Variants in ZNF578 observed in about 807,000 individuals in gnomAD.
ZNF578 encodes the protein Putative chemokine-related protein B42.
In ZNF578, 8 loss-of-function variants were observed where a neutral mutation model predicts 8.3. The ratio of observed to expected loss-of-function variants is 0.96; its 90% CI spans 0.56 to 1.74. The LOEUF (loss-of-function observed/expected upper bound fraction) is 1.74. Among genes scored for constraint, ZNF578 ranks in the 40% most tolerant of loss-of-function variants. The pLI, the probability that ZNF578 is intolerant of heterozygous loss-of-function variation, is 0.00. For synonymous variants in ZNF578, 206 were observed against 232.2 expected, an observed-to-expected ratio of 0.89 and a Z score of 1.03; for missense variants, 726 against 707.5, an observed-to-expected ratio of 1.03 and a Z score of -0.30.
chr19:52,479,951 C>G (rs925285883), intron 2 of ZNF578, among the ~76,000 whole-genome samples: 1 of 152,044 alleles, frequency 6.6e-6, no homozygotes, highest in African/African-American at 2.4e-5. Context: ...GCTCTGTCTC[C>G]CAGGCTGGAT....
chr19:52,502,609 T>C (rs570412195), intron 4 of ZNF578, among the ~76,000 whole-genome samples: 1 of 152,246 alleles, frequency 6.6e-6, no homozygotes, highest in South Asian at 2.1e-4. Flanking sequence ...TGGCGGTGCA[T>C]GCCTGTAATC....
chr19:52,505,068 G>C (rs1599912902), intron 5 of ZNF578, among the ~76,000 whole-genome samples: 1 of 152,060 alleles, frequency 6.6e-6, no homozygotes, highest in Admixed American at 6.5e-5. Context: ...TGTATTTTTA[G>C]TAGAGATGGG....
chr19:52,508,491 A>G (rs957019736), intron 5 of ZNF578, among the ~76,000 whole-genome samples: 10 of 152,108 alleles, frequency 6.6e-5, no homozygotes, highest in African/African-American at 2.2e-4. Flanking sequence ...TATTGGTCCT[A>G]TTGGTCCACT....
chr19:52,499,836 T>C (rs564036074), intron 3 of ZNF578, among the ~76,000 whole-genome samples: 16 of 152,024 alleles, frequency 1.1e-4, no homozygotes, highest in Non-Finnish European at 2.2e-4. Flanking sequence ...CAATCGACTT[T>C]CAAAATGCTT....
chr19:52,477,761 G>C (rs559786458), intron 2 of ZNF578, among the ~76,000 whole-genome samples: 6 of 152,250 alleles, frequency 3.9e-5, no homozygotes, highest in Non-Finnish European at 8.8e-5. Flanking sequence ...CATTTCACAG[G>C]TGCCAGTGCA....
At chr19:52,498,684 C>CTTTTTTTTTTTTTTTTTT (rs72019256) in intron 3 of ZNF578, among the ~76,000 whole-genome samples, 3 of 106,820 alleles carry the variant, frequency 2.8e-5, no homozygotes, top group African/African-American at 1.2e-4. Flanking sequence ...CGCCTGGCCG[C>CTTTTTTTTTTTTTTTTTT]TTTTTTTTTT....
rs769466312 is a variant in ZNF578, at chr19:52,511,201, C to T, written c.820C>T (p.Leu274Phe). Residue 274 changes from leucine (L) to phenylalanine (F), a missense_variant, in exon 6 of 6, where the codon CTT becomes TTT. By Grantham distance (22) the Leu-to-Phe change is conservative. Transcript: ENST00000421239. ...CAAAGTCTTTAATGAGAAGCGATAC[C>T]TTGCACGCCATCGTAGATGTCACAC... ...CGKVFNEKRY[L>F]ARHRRCHTSE... The T allele has an allele frequency of 2.5e-6, 4 of 1,614,194 alleles. No homozygotes were observed. Among genetic ancestry groups the T allele is most frequent in the Middle Eastern group, 1.6e-4 (1 of 6,062 alleles).
chr19:52,507,661 C>G (rs1168752152), intron 5 of ZNF578, among the ~76,000 whole-genome samples: 5 of 152,280 alleles, frequency 3.3e-5, no homozygotes, highest in Admixed American at 1.3e-4. Context: ...CTGGTGAGAG[C>G]CTTCTTCGTG....
chr19:52,467,355 C>T (rs1457266590), intron 2 of ZNF578, among the ~76,000 whole-genome samples: 2 of 151,416 alleles, frequency 1.3e-5, no homozygotes, highest in Admixed American at 6.6e-5. Context: ...TTGTTGAGCC[C>T]GGGAGGTGGA....
chr19:52,492,725 G>A (rs2059370232), intron 3 of ZNF578: 1 of 152,266 alleles, frequency 6.6e-6, no homozygotes, highest in Admixed American at 6.5e-5. Context: ...TAAAGGGCAA[G>A]GTCTCTCCGC....
chr19:52,485,221 C>T, intron 2 of ZNF578, among the ~76,000 whole-genome samples: 1 of 152,122 alleles, frequency 6.6e-6, no homozygotes, highest in East Asian at 1.9e-4. Flanking sequence ...GTGCTTTTGT[C>T]ATCCACTCTG....
chr19:52,460,087 C>T (rs1056958871), intron 2 of ZNF578, among the ~76,000 whole-genome samples: 15 of 150,834 alleles, frequency 9.9e-5, no homozygotes, highest in African/African-American at 3.4e-4. Context: ...CAAATATGTA[C>T]GTGTGTGTGT....
At position 52,514,962 on chromosome 19, in the gene ZNF578, C is replaced by CT. The variant is rs35788845; in HGVS notation, c.*2826dup. ...AGGCATGAGCTACCACGTCGAGACT[C>CT]TTTTTTTTTTTTTTTTTTAGATGGA... On this transcript the variant is annotated 3_prime_UTR_variant, in exon 6 of 6. Coordinates refer to ENST00000421239, the MANE Select transcript of ZNF578 (RefSeq NM_001099694.2). Among the ~76,000 whole-genome samples the CT allele has an allele frequency of 0.36, 44,281 of 122,804 alleles. 8,525 individuals carry two copies. The highest frequency in any genetic ancestry group is 0.5 in the Admixed American group (5,704 of 11,312). The allele number at this position is 122,804 out of a possible 152,430, so 80.6% of individuals were successfully genotyped here.
At chr19:52,508,526 G>C (rs543316013) in intron 5 of ZNF578, among the ~76,000 whole-genome samples, 2 of 152,046 alleles carry the variant, frequency 1.3e-5, no homozygotes, top group East Asian at 3.9e-4. Flanking sequence ...GACCGAGCGC[G>C]GTGGCTCTCG....
intron 3 of ZNF578, among the ~76,000 whole-genome samples, chr19:52,500,690 T>TGA (rs2059403741): frequency 2.6e-5 from 4 of 151,534 alleles, no homozygotes; most frequent in African/African-American, 9.7e-5. Flanking sequence ...GTCTTTCTTT[T>TGA]GAGTTTGATT....
intron 4 of ZNF578, among the ~76,000 whole-genome samples, chr19:52,502,900 G>A (rs6509650): frequency 6.6e-6 from 1 of 151,962 alleles, no homozygotes; most frequent in Non-Finnish European, 1.5e-5. Context: ...CCATATGTAT[G>A]TATGTATTTT....
At chr19:52,476,009 T>A (rs1014370462) in intron 2 of ZNF578, among the ~76,000 whole-genome samples, 2 of 152,006 alleles carry the variant, frequency 1.3e-5, no homozygotes, top group Non-Finnish European at 2.9e-5. Context: ...TGCCTTGAGG[T>A]AAAACTTTCC....
chr19:52,498,329 GT>G (rs58765518), intron 3 of ZNF578, among the ~76,000 whole-genome samples: 9,862 of 112,886 alleles, frequency 0.087, 318 homozygotes, highest in African/African-American at 0.13. Flanking sequence ...GCTAATGTGT[GT>G]TTTTTTTTTT....
Position 52,512,054 on chromosome 19 carries a change from C to T in ZNF578, c.1673C>T (p.Thr558Ile), listed in dbSNP as rs1211134927. The T allele has an allele frequency of 1.2e-6, 2 of 1,612,804 alleles. No individual in the cohort carries two copies. The highest frequency in any genetic ancestry group is 8.5e-7 in the Non-Finnish European group (1 of 1,179,732). ...TGCCATTCTTATCTGGCAAACCATACTAGAATTCATAGCGGAGAGAAACCT... is the reference window on the plus strand; with the variant it reads ...TGCCATTCTTATCTGGCAAACCATATTAGAATTCATAGCGGAGAGAAACCT... ...FMCHSYLANH[T>I]RIHSGEKPYK... The change falls in exon 6 of 6, where the codon ACT (threonine) becomes ATT (isoleucine). Residue 558 changes from threonine to isoleucine, a missense_variant. Transcript: ENST00000421239.
Sources: allele counts gnomAD v4.1 joint callset (sites outside exome capture counted in the v4.1 genomes callset), GRCh38; gene constraint gnomAD v4.1.1; transcripts MANE v1.5; gene names NCBI Gene and HGNC (gene_info 2026-07-23, HGNC 2026-07-21).